Variants in PCDHA5 observed in about 807,000 individuals in gnomAD.
The protein encoded by PCDHA5 is protocadherin alpha-5.
A neutral mutation model predicts 61.6 loss-of-function variants in PCDHA5; 43 were observed. That is an observed-to-expected ratio of 0.70 (90% CI 0.55 to 0.90). The LOEUF (loss-of-function observed/expected upper bound fraction) is 0.90. Among genes scored for constraint, PCDHA5 ranks in the 40% least tolerant of loss-of-function variants. PCDHA5 has a pLI of 0.00. For synonymous variants in PCDHA5, 627 were observed against 543.9 expected, an observed-to-expected ratio of 1.15 and a Z score of -2.13; for missense variants, 1,298 against 1,222.7, an observed-to-expected ratio of 1.06 and a Z score of -0.92.
At chr5:140,967,146 A>G (rs782158011) in intron 1 of PCDHA5, 2 of 1,610,972 alleles carry the variant, frequency 1.2e-6, no homozygotes, top group South Asian at 1.1e-5. Flanking sequence ...CTGGCGCACA[A>G]CCCCGTGGCG....
intron 1 of PCDHA5, among the ~76,000 whole-genome samples, chr5:140,962,849 T>C (rs1434907172): frequency 6.6e-6 from 1 of 152,214 alleles, no homozygotes; most frequent in African/African-American, 2.4e-5. Context: ...ATATAACTTG[T>C]GCTCGGTTTG....
intron 1 of PCDHA5, among the ~76,000 whole-genome samples, chr5:140,933,853 A>G (rs192647657): frequency 6.6e-6 from 1 of 151,684 alleles, no homozygotes; most frequent in Non-Finnish European, 1.5e-5. Flanking sequence ...TGTACCTTTA[A>G]TTTTTTCAGA....
In PCDHA5 at chr5:140,883,696, G is replaced by C. The variant is rs142212706; in HGVS notation, c.2352+59569G>C. On this transcript the variant is annotated intron_variant, in intron 1 of 3. Transcript: ENST00000529859. ...ATCCGCCGGGCTGCCACATCTTCAC[G>C]GTGTCTGCTCAGGACGCGGACGCAC... The C allele has an allele frequency of 1.7e-4, 276 of 1,613,818 alleles. 1 individual carries two copies. In the African/African-American group the frequency reaches 3.2e-3, roughly 19 times the overall value.
intron 1 of PCDHA5, among the ~76,000 whole-genome samples, chr5:140,898,545 C>CCG (rs2153461002): frequency 1.3e-5 from 2 of 152,322 alleles, no homozygotes; most frequent in East Asian, 3.9e-4. Context: ...TTCCATTTAT[C>CCG]TATGTCTCTG....
intron 1 of PCDHA5, chr5:140,836,542 C>A (rs1554136059): frequency 6.2e-7 from 1 of 1,613,774 alleles, no homozygotes; most frequent in African/African-American, 1.3e-5. Context: ...CTGTACACGG[C>A]GTTGCGGTGC....
chr5:140,985,930 G>A (rs577670490), intron 3 of PCDHA5, among the ~76,000 whole-genome samples: 1 of 151,914 alleles, frequency 6.6e-6, no homozygotes, highest in East Asian at 1.9e-4. Flanking sequence ...TAGTAGAGCC[G>A]GGGTTTCACT....
chr5:140,949,550 G>A (rs1195934854), intron 1 of PCDHA5, among the ~76,000 whole-genome samples: 11 of 151,608 alleles, frequency 7.3e-5, no homozygotes, highest in Admixed American at 7.2e-4. Flanking sequence ...TTTGTTGCTG[G>A]TCATACTTTT....
rs2098422397 is a variant in PCDHA5 at position 141,011,934 on chromosome 5, T to C, written c.*1997T>C. The C allele has an allele frequency of 6.5e-6, 1 of 153,836 alleles. No homozygotes were observed. The highest frequency in any genetic ancestry group is 6.5e-5 in the Admixed American group (1 of 15,306). The allele number at this position is 153,836 out of a possible 1,614,324, so 9.5% of individuals were successfully genotyped here. On this transcript the variant is annotated 3_prime_UTR_variant, in exon 4 of 4. Transcript: ENST00000529859. ...TAATATAAAAGAGGTAGGAGTCTGT[T>C]ATTTAAAAAAAGCATTAAATTTAAA...
chr5:140,884,484 T>TA, intron 1 of PCDHA5: 1 of 1,613,922 alleles, frequency 6.2e-7, no homozygotes, highest in Non-Finnish European at 8.5e-7. Flanking sequence ...AAGCCCACTC[T>TA]AGTGTGCTCC....
chr5:140,967,217 C>T, intron 1 of PCDHA5: 1 of 1,613,682 alleles, frequency 6.2e-7, no homozygotes, highest in Non-Finnish European at 8.5e-7. Flanking sequence ...TTTCCCGCGG[C>T]CCAACTACCA....
intron 1 of PCDHA5, chr5:140,858,163 G>A (rs756100804): frequency 1.3e-6 from 2 of 1,597,890 alleles, no homozygotes; most frequent in Non-Finnish European, 1.7e-6. Context: ...TCTGCGCGGT[G>A]TCCAGCTTGC....
intron 1 of PCDHA5, chr5:140,877,906 A>C: frequency 7.0e-7 from 1 of 1,435,008 alleles, no homozygotes; most frequent in Non-Finnish European, 9.2e-7. Flanking sequence ...TTATAACTAC[A>C]TTCTCTCATT....
intron 1 of PCDHA5, among the ~76,000 whole-genome samples, chr5:140,838,073 ATATAGTGTGTGTGTGT>A (rs2150282806): frequency 2.4e-4 from 30 of 126,834 alleles, no homozygotes; most frequent in Admixed American, 8.6e-4. Flanking sequence ...AGTTATATAT[ATATAGTGTGTGTGTGT>A]GTGTGTGTGT....
intron 3 of PCDHA5, among the ~76,000 whole-genome samples, chr5:140,993,462 T>TCA (rs3836747): frequency 0.1 from 14,588 of 140,880 alleles, 728 homozygotes; most frequent in Middle Eastern, 0.17. Context: ...TCTTTCTTTC[T>TCA]CACACACACA....
At position 140,823,585 on chromosome 5, in the gene PCDHA5, G is replaced by A; in HGVS notation, c.1810G>A (p.Ala604Thr). 1 of 1,614,018 alleles carries A rather than the reference G, an allele frequency of 6.2e-7. No individual in the cohort carries two copies. The highest frequency in any genetic ancestry group is 8.5e-7 in the Non-Finnish European group (1 of 1,179,936). ...RAVDPDSGYN[A>T]WLSYELQPAP... Reference sequence around the variant, plus strand: ...AGTGGACCCTGATTCGGGCTACAACGCTTGGCTTTCGTATGAGCTGCAGCC... The same window carrying A: ...AGTGGACCCTGATTCGGGCTACAACACTTGGCTTTCGTATGAGCTGCAGCC... The change falls in exon 1 of 4, where the codon GCT (alanine) becomes ACT (threonine). Residue 604 changes from alanine (A) to threonine (T), a missense_variant. Physicochemically the swap from Ala to Thr is moderately conservative, Grantham distance 58 (BLOSUM62 0). Coordinates refer to ENST00000529859, the MANE Select transcript of PCDHA5 (RefSeq NM_018908.3).
At chr5:140,931,008 A>G (rs1554208204) in intron 1 of PCDHA5, among the ~76,000 whole-genome samples, 2 of 152,224 alleles carry the variant, frequency 1.3e-5, no homozygotes, top group African/African-American at 2.4e-5. Flanking sequence ...ATAACATAAC[A>G]GAGGAATTTT....
intron 1 of PCDHA5, chr5:140,842,491 GC>G (rs1554139099): frequency 2.5e-6 from 4 of 1,613,896 alleles, no homozygotes; most frequent in Non-Finnish European, 3.4e-6. Context: ...GCTCCCTGAT[GC>G]CCCATGTCCC....
chr5:140,995,949 G>T (rs781875497), intron 3 of PCDHA5, among the ~76,000 whole-genome samples: 1 of 152,160 alleles, frequency 6.6e-6, no homozygotes, highest in African/African-American at 2.4e-5. Context: ...CATAATGCAC[G>T]CAAAATGCTT....
At chr5:140,882,069 G>T in intron 1 of PCDHA5, 1 of 844,446 alleles carries the variant, frequency 1.2e-6, no homozygotes, top group Non-Finnish European at 1.8e-6. Flanking sequence ...ACGTTCATGC[G>T]CATGGTGTCG....
Sources: allele counts gnomAD v4.1 joint callset (sites outside exome capture counted in the v4.1 genomes callset), GRCh38; gene constraint gnomAD v4.1.1; transcripts MANE v1.5; gene names NCBI Gene and HGNC (gene_info 2026-07-23, HGNC 2026-07-21).